Variants in R3HDM2 observed in about 807,000 individuals in gnomAD.
The protein encoded by R3HDM2 is R3H domain-containing protein 2.
Under a neutral mutation model 124.5 loss-of-function variants are expected in R3HDM2, and 38 were observed. That is an observed-to-expected ratio of 0.31 (90% CI 0.24 to 0.40). The LOEUF (loss-of-function observed/expected upper bound fraction) is 0.40. R3HDM2 is among the 10% of genes least tolerant of loss of function. The probability of loss-of-function intolerance (pLI) is 1.00; values close to 1 mark genes in which losing one functional copy is unlikely to be tolerated. For missense variants in R3HDM2, 869 were observed against 1,236.9 expected, an observed-to-expected ratio of 0.70 and a Z score of 4.46; for synonymous variants, 391 against 448.0, an observed-to-expected ratio of 0.87 and a Z score of 1.61.
chr12:57,393,894 C>A (rs1033294380), intron 2 of R3HDM2, among the ~76,000 whole-genome samples: 1 of 152,086 alleles, frequency 6.6e-6, no homozygotes, highest in African/African-American at 2.4e-5. Flanking sequence ...TAATGTAAAC[C>A]AAACATTCCC....
rs12312567 is a variant in R3HDM2, at chr12:57,257,837, G to A, written c.2449+153C>T. On this transcript the variant is annotated intron_variant, in intron 21 of 23. Transcript: ENST00000402412. ...GCACTAGAGAGGGGCAAGTGTCCAA[G>A]GCCTATACAGGGATGTTAAAGGAAG... Among the ~76,000 whole-genome samples the A allele has an allele frequency of 8.3e-3, 1,260 of 152,340 alleles. 16 individuals are homozygous for A. The highest frequency in any genetic ancestry group is 0.028 in the African/African-American group (1,176 of 41,556).
intron 1 of R3HDM2, among the ~76,000 whole-genome samples, chr12:57,420,363 C>T (rs1370403405): frequency 6.6e-6 from 1 of 151,978 alleles, no homozygotes; most frequent in Non-Finnish European, 1.5e-5. Context: ...TTCTAATGAC[C>T]CTGCTCTCAC....
At chr12:57,366,796 T>C (rs1476122991) in intron 2 of R3HDM2, among the ~76,000 whole-genome samples, 1 of 152,202 alleles carries the variant, frequency 6.6e-6, no homozygotes, top group Non-Finnish European at 1.5e-5. Context: ...TTCACGCCAT[T>C]CTGCTGCCTC....
chr12:57,326,144 C>A (rs2057289496), intron 2 of R3HDM2, among the ~76,000 whole-genome samples: 1 of 152,144 alleles, frequency 6.6e-6, no homozygotes, highest in Non-Finnish European at 1.5e-5. Flanking sequence ...CAACTGTTCC[C>A]CGATCTCTCT....
chr12:57,263,624 A>G (rs578221520), intron 19 of R3HDM2, among the ~76,000 whole-genome samples: 10 of 152,210 alleles, frequency 6.6e-5, no homozygotes, highest in Middle Eastern at 3.4e-3. Flanking sequence ...GTGCACCCCC[A>G]TGCCCAGCTA....
At chr12:57,315,993 C>T (rs964920561) in intron 2 of R3HDM2, among the ~76,000 whole-genome samples, 4 of 152,134 alleles carry the variant, frequency 2.6e-5, no homozygotes, top group Non-Finnish European at 5.9e-5. Flanking sequence ...GTGGCACACG[C>T]CTGTGGTCCT....
chr12:57,386,505 C>A (rs1405558648), intron 2 of R3HDM2, among the ~76,000 whole-genome samples: 6 of 152,246 alleles, frequency 3.9e-5, no homozygotes, highest in African/African-American at 1.4e-4. Context: ...TGCCTCCCCT[C>A]GGGGCAGGGC....
rs1369660324 is a variant in R3HDM2 at position 57,348,713 on chromosome 12, AAAAAAAAAGAG to A, written c.-35-38261_-35-38251del. On this transcript the variant is annotated intron_variant, in intron 2 of 23. Coordinates refer to ENST00000402412, the MANE Select transcript of R3HDM2 (RefSeq NM_001394031.1). ...CGTCTCAAAAAAAAAAAAAAAAAAA[AAAAAAAAAGAG>A]AGAGAAAAATTAGCCAGGCATGGTG... 2.3e-3 allele frequency among the ~76,000 whole-genome samples: 96 copies of A among 41,842 alleles called. 13 individuals carry two copies. Among genetic ancestry groups the A allele is most frequent in the East Asian group, 0.014 (6 of 426 alleles). 27.4% of individuals were successfully genotyped at this position (41,842 alleles called of 152,430 possible). A position where few individuals can be genotyped will look rare whatever the true frequency, so the allele number is the denominator to read the frequency against.
intron 1 of R3HDM2, among the ~76,000 whole-genome samples, chr12:57,396,771 CTG>C: frequency 1.4e-5 from 1 of 72,588 alleles, no homozygotes; most frequent in South Asian, 6.2e-4. Context: ...GAGTGAGACT[CTG>C]TCTCAAAAAA....
At chr12:57,268,533 G>A (rs1288758334) in intron 17 of R3HDM2, 76 bp from the exon 18 acceptor site, 4 of 1,469,968 alleles carry the variant, frequency 2.7e-6, no homozygotes, top group East Asian at 2.3e-5. Context: ...TAGTCATCAC[G>A]AGATCAGGGC....
At chr12:57,401,922 TGCAGTG>T (rs1315862606) in intron 1 of R3HDM2, among the ~76,000 whole-genome samples, 1 of 151,986 alleles carries the variant, frequency 6.6e-6, no homozygotes, top group Non-Finnish European at 1.5e-5. Flanking sequence ...AGGTGGAGGT[TGCAGTG>T]AGCCAAGATC....
chr12:57,348,932 T>A (rs568812812), intron 2 of R3HDM2, among the ~76,000 whole-genome samples: 1 of 152,286 alleles, frequency 6.6e-6, no homozygotes, highest in African/African-American at 2.4e-5. Context: ...TTGGCTGTTT[T>A]TCCATTTTCA....
At chr12:57,292,748 G>T in intron 10 of R3HDM2, 81 bp from the exon 11 acceptor site, 1 of 914,792 alleles carries the variant, frequency 1.1e-6, no homozygotes, top group Admixed American at 2.6e-5. Flanking sequence ...AAGAGAAACC[G>T]GGAAAGTTTA....
At chr12:57,428,329 C>T (rs1868435955) in intron 1 of R3HDM2, among the ~76,000 whole-genome samples, 1 of 151,988 alleles carries the variant, frequency 6.6e-6, no homozygotes, top group Non-Finnish European at 1.5e-5. Context: ...AGATCTAGAG[C>T]TTTAAAGCTA....
chr12:57,419,787 G>T (rs934361412), intron 1 of R3HDM2, among the ~76,000 whole-genome samples: 10 of 151,872 alleles, frequency 6.6e-5, no homozygotes, highest in Admixed American at 5.3e-4. Flanking sequence ...CCAGGCTATT[G>T]TATCTGCTTG....
At chr12:57,312,377 A>G (rs1227468150) in intron 2 of R3HDM2, among the ~76,000 whole-genome samples, 1 of 149,416 alleles carries the variant, frequency 6.7e-6, no homozygotes, top group Non-Finnish European at 1.5e-5. Context: ...ATGCGATCAT[A>G]GCTCACTGCA....
At chr12:57,425,834 G>C (rs759443402) in intron 1 of R3HDM2, among the ~76,000 whole-genome samples, 1 of 152,188 alleles carries the variant, frequency 6.6e-6, no homozygotes, top group Non-Finnish European at 1.5e-5. Flanking sequence ...TTGCCTTCCT[G>C]AGCTAAAGAA....
At chr12:57,286,896 A>G (rs2047471567) in intron 12 of R3HDM2, among the ~76,000 whole-genome samples, 1 of 152,108 alleles carries the variant, frequency 6.6e-6, no homozygotes, top group Non-Finnish European at 1.5e-5. Flanking sequence ...TAAAAAAAAA[A>G]GGTCTGGAGA....
Position 57,295,769 on chromosome 12 carries a change from C to T in R3HDM2, c.702-262G>A, listed in dbSNP as rs557107616. ...GCTAGGGCCAGACTTCATGAAACAT[C>T]AGTCTCTCTAGAATCTATCTCCAAG... On this transcript the variant is annotated intron_variant, in intron 9 of 23. Transcript: ENST00000402412. 5.9e-5 allele frequency among the ~76,000 whole-genome samples: 9 copies of T among 152,360 alleles called. No homozygotes were observed. In the East Asian group the frequency reaches 1.7e-3, roughly 29 times the overall value.
Sources: allele counts gnomAD v4.1 joint callset (sites outside exome capture counted in the v4.1 genomes callset), GRCh38; gene constraint gnomAD v4.1.1; transcripts MANE v1.5; gene names NCBI Gene and HGNC (gene_info 2026-07-23, HGNC 2026-07-21).